The following KLF12 variants were observed in gnomAD, a reference collection of about 807,000 sequenced individuals.
The protein encoded by KLF12 is Krueppel-like factor 12.
Under a neutral mutation model 37.8 loss-of-function variants are expected in KLF12, and 9 were observed. That is an observed-to-expected ratio of 0.24 (90% CI 0.14 to 0.42). KLF12 has a LOEUF of 0.42. KLF12 is among the 10% of genes least tolerant of loss of function. The pLI, the probability that KLF12 is intolerant of heterozygous loss-of-function variation, is 1.00. For synonymous variants in KLF12, 208 were observed against 202.1 expected (o/e 1.03, Z -0.25); for missense variants, 411 against 516.0 (o/e 0.80, Z 1.97).
intron 1 of KLF12, among the ~76,000 whole-genome samples, chr13:74,040,641 C>T (rs1893376185): frequency 6.6e-6 from 1 of 152,230 alleles, no homozygotes; most frequent in Non-Finnish European, 1.5e-5. Context: ...ACAATGAATG[C>T]ATTACACAGG....
chr13:74,301,635 G>A, the KLF12 span, among the ~76,000 whole-genome samples: 2 of 152,158 alleles, frequency 1.3e-5, no homozygotes, highest in African/African-American at 2.4e-5. Flanking sequence ...AGGGGAAAAC[G>A]AGAAAATGTT....
At chr13:74,113,432 T>C (rs987153837) in intron 1 of KLF12, among the ~76,000 whole-genome samples, 1 of 152,226 alleles carries the variant, frequency 6.6e-6, no homozygotes, top group Non-Finnish European at 1.5e-5. Flanking sequence ...ATGTATCTGG[T>C]GACTTTAAAT....
the KLF12 span, among the ~76,000 whole-genome samples, chr13:74,261,830 G>A: frequency 6.6e-6 from 1 of 152,228 alleles, no homozygotes; most frequent in African/African-American, 2.4e-5. Flanking sequence ...AAACGTGTGT[G>A]TGGTAGTACA....
At chr13:74,073,624 A>T (rs1407923223) in intron 1 of KLF12, among the ~76,000 whole-genome samples, 1 of 152,140 alleles carries the variant, frequency 6.6e-6, no homozygotes, top group Non-Finnish European at 1.5e-5. Context: ...CAAACAAAAT[A>T]TTTTTTAAAC....
chr13:73,765,454 A>C (rs552536661), intron 5 of KLF12, among the ~76,000 whole-genome samples: 1 of 152,300 alleles, frequency 6.6e-6, no homozygotes, highest in South Asian at 2.1e-4. Flanking sequence ...GAAGCAAACA[A>C]CGTTATTCAA....
chr13:74,070,508 T>A (rs1471749599), intron 1 of KLF12, among the ~76,000 whole-genome samples: 1 of 151,720 alleles, frequency 6.6e-6, no homozygotes, highest in Non-Finnish European at 1.5e-5. Flanking sequence ...TTTGTTTGTT[T>A]TTTCAAGATA....
the KLF12 span, among the ~76,000 whole-genome samples, chr13:74,234,979 T>C: frequency 6.6e-6 from 1 of 152,200 alleles, no homozygotes; most frequent in African/African-American, 2.4e-5. Context: ...TAACTATCTA[T>C]CCTCTATGTG....
At chr13:74,193,276 A>G in the KLF12 span, among the ~76,000 whole-genome samples, 2 of 152,120 alleles carry the variant, frequency 1.3e-5, no homozygotes, top group Non-Finnish European at 2.9e-5. Context: ...CACAGTGCCC[A>G]GCCAAGGAAA....
intron 1 of KLF12, among the ~76,000 whole-genome samples, chr13:74,106,661 G>T (rs916844934): frequency 2.6e-5 from 4 of 152,102 alleles, no homozygotes; most frequent in Admixed American, 2.0e-4. Flanking sequence ...TCAACAAAAC[G>T]TAACTGCCTA....
At chr13:74,078,896 C>T (rs1011933341) in intron 1 of KLF12, among the ~76,000 whole-genome samples, 4 of 152,106 alleles carry the variant, frequency 2.6e-5, no homozygotes, top group Non-Finnish European at 5.9e-5. Context: ...GTAAAATGTA[C>T]CGTATTATTT....
intron 1 of KLF12, among the ~76,000 whole-genome samples, chr13:74,061,482 A>G (rs1472889132): frequency 6.6e-6 from 1 of 152,228 alleles, no homozygotes; most frequent in African/African-American, 2.4e-5. Flanking sequence ...GTTATTGCAC[A>G]CAGTGACTTT....
At chr13:73,708,374 T>C (rs1251706868) in intron 7 of KLF12, among the ~76,000 whole-genome samples, 1 of 152,194 alleles carries the variant, frequency 6.6e-6, no homozygotes, top group East Asian at 1.9e-4. Flanking sequence ...TATTTTTACA[T>C]ATTGTAATTC....
At position 73,823,714 on chromosome 13, in the gene KLF12, C is replaced by CTCT. The variant is rs1478743932; in HGVS notation, c.671-10430_671-10428dup. On this transcript the variant is annotated intron_variant, in intron 4 of 7. Coordinates refer to ENST00000377669, the MANE Select transcript of KLF12 (RefSeq NM_007249.5). The stretch of plus-strand genomic sequence containing the variant: ...ATCTCTCTTCATTTGTAGTTCTGGC[C>CTCT]TCTTCTTTTTTTTGAGAGAGAGTTT... Among the ~76,000 whole-genome samples, 1,105 of 144,768 alleles carry CTCT rather than the reference C, an allele frequency of 7.6e-3. 15 individuals are homozygous for CTCT. The highest frequency in any genetic ancestry group is 0.025 in the African/African-American group (1,028 of 40,546). 95.0% of individuals were successfully genotyped at this position (144,768 alleles called of 152,430 possible). A position where few individuals can be genotyped will look rare whatever the true frequency, so the allele number is the denominator to read the frequency against.
the KLF12 span, among the ~76,000 whole-genome samples, chr13:74,184,125 A>T: frequency 6.6e-6 from 1 of 152,160 alleles, no homozygotes; most frequent in Non-Finnish European, 1.5e-5. Flanking sequence ...TACAGTTCAC[A>T]TGATCCCTGA....
chr13:73,722,977 T>C (rs1000482874), intron 6 of KLF12, among the ~76,000 whole-genome samples: 2 of 152,216 alleles, frequency 1.3e-5, no homozygotes, highest in African/African-American at 2.4e-5. Context: ...ACTAAGTATT[T>C]TTCCACATCA....
chr13:73,822,402 C>T (rs531948058), intron 4 of KLF12, among the ~76,000 whole-genome samples: 15 of 152,130 alleles, frequency 9.9e-5, no homozygotes, highest in South Asian at 4.2e-4. Flanking sequence ...CATGAATTAC[C>T]GCTTGGAAAC....
chr13:74,258,980 T>A, the KLF12 span: 2 of 152,174 alleles, frequency 1.3e-5, no homozygotes, highest in Non-Finnish European at 2.9e-5. Context: ...TGCCCCAGAG[T>A]TGTCCCCCTC....
intron 3 of KLF12, among the ~76,000 whole-genome samples, chr13:73,914,178 A>G (rs1360322832): frequency 6.6e-6 from 1 of 152,140 alleles, no homozygotes; most frequent in Non-Finnish European, 1.5e-5. Flanking sequence ...TATTTCTGAT[A>G]TCTGCTCCTG....
At chr13:74,109,669 A>C (rs1876863458) in intron 1 of KLF12, among the ~76,000 whole-genome samples, 1 of 152,160 alleles carries the variant, frequency 6.6e-6, no homozygotes, top group South Asian at 2.1e-4. Context: ...ATTCTTAGTA[A>C]AATAAAAATA....
Sources: allele counts gnomAD v4.1 joint callset (sites outside exome capture counted in the v4.1 genomes callset), GRCh38; gene constraint gnomAD v4.1.1; transcripts MANE v1.5; gene names NCBI Gene and HGNC (gene_info 2026-07-23, HGNC 2026-07-21).